DLGAP2: variants seen among roughly 807,000 people sequenced by gnomAD.
DLGAP2 encodes the protein DLG associated protein 2.
A neutral mutation model predicts 100.3 loss-of-function variants in DLGAP2; 26 were observed. That is an observed-to-expected ratio of 0.26 (90% CI 0.19 to 0.36). DLGAP2 has a LOEUF of 0.36. Among genes scored for constraint, DLGAP2 ranks in the 10% least tolerant of loss-of-function variants. The probability of loss-of-function intolerance (pLI) is 1.00; values close to 1 mark genes in which losing one functional copy is unlikely to be tolerated. For missense variants in DLGAP2, 1,858 were observed against 1,453.2 expected, an observed-to-expected ratio of 1.28 and a Z score of -4.53; for synonymous variants, 886 against 630.1, an observed-to-expected ratio of 1.41 and a Z score of -6.08.
intron 1 of DLGAP2, among the ~76,000 whole-genome samples, chr8:906,681 T>G (rs1019962044): frequency 1.3e-5 from 2 of 152,194 alleles, no homozygotes; most frequent in African/African-American, 4.8e-5. Context: ...CCTGACCCCA[T>G]GGTTATCACA....
chr8:1,542,225 G>T (rs1208106986), intron 4 of DLGAP2, among the ~76,000 whole-genome samples: 1 of 152,224 alleles, frequency 6.6e-6, no homozygotes, highest in African/African-American at 2.4e-5. Flanking sequence ...TCACATGCGT[G>T]TATTTATTTT....
At chr8:1,565,598 G>C in intron 5 of DLGAP2, 85 bp from the exon 6 acceptor site, 1 of 1,049,086 alleles carries the variant, frequency 9.5e-7, no homozygotes, top group Non-Finnish European at 1.4e-6. Context: ...TTATGGAATT[G>C]TAGAGGATTT....
intron 1 of DLGAP2, among the ~76,000 whole-genome samples, chr8:864,594 G>A (rs1293763129): frequency 6.6e-6 from 1 of 152,140 alleles, no homozygotes; most frequent in Non-Finnish European, 1.5e-5. Flanking sequence ...CACATGATAC[G>A]ATATTTTAAT....
chr8:1,183,875 T>A (rs6998358), intron 2 of DLGAP2, among the ~76,000 whole-genome samples: 5,511 of 152,340 alleles, frequency 0.036, 376 homozygotes, highest in African/African-American at 0.13. Context: ...GGGTAAATTA[T>A]TTAAGGTCTC....
intron 3 of DLGAP2, among the ~76,000 whole-genome samples, chr8:1,330,908 C>T (rs1801142656): frequency 6.8e-6 from 1 of 146,368 alleles, no homozygotes; most frequent in Non-Finnish European, 1.5e-5. Context: ...TGTGTGGGAG[C>T]ACCACTTCAT....
intron 1 of DLGAP2, among the ~76,000 whole-genome samples, chr8:857,340 T>G (rs1260884229): frequency 6.6e-6 from 1 of 152,200 alleles, no homozygotes; most frequent in Non-Finnish European, 1.5e-5. Context: ...GAAATTGGAC[T>G]TCATTAAAAT....
intron 2 of DLGAP2, among the ~76,000 whole-genome samples, chr8:1,244,695 T>C (rs79471424): frequency 0.025 from 3,799 of 152,298 alleles, 80 homozygotes; most frequent in South Asian, 0.062. Context: ...ACGTGCATCT[T>C]TGTGATCTTA....
chr8:1,214,106 G>A (rs1382521956), intron 2 of DLGAP2, among the ~76,000 whole-genome samples: 2 of 152,152 alleles, frequency 1.3e-5, no homozygotes, highest in Non-Finnish European at 1.5e-5. Flanking sequence ...TCCCCAGGGG[G>A]CCTTGCGTCT....
chr8:1,552,201 C>G (rs73671203), intron 5 of DLGAP2, among the ~76,000 whole-genome samples: 1 of 152,216 alleles, frequency 6.6e-6, no homozygotes, highest in Non-Finnish European at 1.5e-5. Context: ...AGAGCGTTAT[C>G]GTGCCGACAT....
At position 1,392,672 on chromosome 8, in the gene DLGAP2, T is replaced by A. The variant is rs777304228; in HGVS notation, c.107-108694T>A. ...CCGTGGGCCTGGGCCTCCATGCATC[T>A]CTGGGGACTGGGCCAGGCCTGGGTC... On this transcript the variant is annotated intron_variant, in intron 3 of 14. Transcript: ENST00000637795. Among the ~76,000 whole-genome samples the A allele has an allele frequency of 2.4e-3, 368 of 152,338 alleles. 1 individual carries two copies. The highest frequency in any genetic ancestry group is 1.8e-3 in the Non-Finnish European group (121 of 68,034).
At chr8:1,298,850 A>T (rs1440710737) in intron 3 of DLGAP2, among the ~76,000 whole-genome samples, 1 of 152,164 alleles carries the variant, frequency 6.6e-6, no homozygotes, top group Non-Finnish European at 1.5e-5. Context: ...GGTAATTCGA[A>T]TGTCCCAGCG....
chr8:895,797 G>T (rs1798135271), intron 1 of DLGAP2, among the ~76,000 whole-genome samples: 1 of 150,422 alleles, frequency 6.6e-6, no homozygotes, highest in Non-Finnish European at 1.5e-5. Context: ...CCCAGGGTTT[G>T]TTGGATGGGG....
intron 1 of DLGAP2, among the ~76,000 whole-genome samples, chr8:783,250 A>G (rs60711950): frequency 0.14 from 21,442 of 152,182 alleles, 1,687 homozygotes; most frequent in East Asian, 0.24. Context: ...GCTCAGAAAT[A>G]CTACAGAGAA....
chr8:1,201,532 G>A (rs906784281), intron 2 of DLGAP2, among the ~76,000 whole-genome samples: 6 of 152,236 alleles, frequency 3.9e-5, no homozygotes, highest in African/African-American at 1.4e-4. Context: ...GTCCGTTTTG[G>A]ACATCGCATC....
rs558699722 is a variant in DLGAP2, at chr8:1,098,016, T to G, written c.74-160835T>G. Among the ~76,000 whole-genome samples the G allele has an allele frequency of 3.0e-4, 46 of 152,382 alleles. 2 individuals carry two copies. The South Asian group carries it at 9.3e-3, about 31-fold the overall frequency. On this transcript the variant is annotated intron_variant, in intron 2 of 14. Coordinates refer to ENST00000637795, the MANE Select transcript of DLGAP2 (RefSeq NM_001346810.2). Reference sequence around the variant, plus strand: ...ACCCCAGCCGCATGGCCTTCGACATTTCTGCCTCTTCTCTTACTACGTTGA... The same window carrying G: ...ACCCCAGCCGCATGGCCTTCGACATGTCTGCCTCTTCTCTTACTACGTTGA...
At chr8:1,538,748 C>T (rs1248917377) in intron 4 of DLGAP2, among the ~76,000 whole-genome samples, 2 of 152,176 alleles carry the variant, frequency 1.3e-5, no homozygotes, top group Non-Finnish European at 2.9e-5. Context: ...GTGCAGCCCT[C>T]CCCGCAGCGT....
intron 2 of DLGAP2, among the ~76,000 whole-genome samples, chr8:1,230,334 TATAAAACACTGC>T (rs1798510075): frequency 6.6e-6 from 1 of 152,146 alleles, no homozygotes; most frequent in African/African-American, 2.4e-5. Context: ...CACGGAGAAC[TATAAAACACTGC>T]TACAATAAAT....
At chr8:862,573 G>A (rs528489659) in intron 1 of DLGAP2, among the ~76,000 whole-genome samples, 52 of 152,228 alleles carry the variant, frequency 3.4e-4, no homozygotes, top group African/African-American at 1.2e-3. Flanking sequence ...GATTATAGGG[G>A]TGAGCTGCCT....
chr8:1,480,969 G>A (rs1447853382), intron 3 of DLGAP2, among the ~76,000 whole-genome samples: 3 of 151,914 alleles, frequency 2.0e-5, no homozygotes, highest in Admixed American at 6.6e-5. Context: ...TCAGGAGATC[G>A]AGACCATCCT....
Sources: gnomAD v4.1 joint callset for allele counts (sites outside exome capture counted in the v4.1 genomes callset) on GRCh38, gnomAD v4.1.1 for gene constraint, MANE v1.5 for transcripts, NCBI Gene and HGNC (gene_info 2026-07-23, HGNC 2026-07-21) for gene names.